The following SATB2 variants were observed in gnomAD, a reference collection of about 807,000 sequenced individuals.
SATB2 encodes the protein SATB homeobox 2.
SATB2 carries 1 observed loss-of-function variant against 73.4 expected under a neutral mutation model. That is an observed-to-expected ratio of 0.01 (90% CI 0.00 to 0.06). The LOEUF (loss-of-function observed/expected upper bound fraction) is 0.06. Ranked by LOEUF, SATB2 falls within the 10% of genes least tolerant of loss-of-function variation. The pLI is 1.00. For synonymous variants in SATB2, 397 were observed against 367.0 expected (o/e 1.08, Z -0.93); for missense variants, 459 against 945.8 (o/e 0.49, Z 6.75).
Position 199,315,812 on chromosome 2 carries a change from A to G in SATB2, c.1543-6855T>C, listed in dbSNP as rs569337510. Among the ~76,000 whole-genome samples, 95 of 152,196 alleles carry G rather than the reference A, an allele frequency of 6.2e-4. 2 individuals are homozygous for G. Among genetic ancestry groups the G allele is most frequent in the African/African-American group, 2.1e-3 (87 of 41,482 alleles). ...TGCTCCTTGAAGGCAGGGCCTTGTC[A>G]CAGTGATTATTCCCCTTGATATGAC... On this transcript the variant is annotated intron_variant, in intron 9 of 10. Transcript: ENST00000417098.
At chr2:199,336,809 A>T (rs979842304) in intron 7 of SATB2, among the ~76,000 whole-genome samples, 4 of 152,316 alleles carry the variant, frequency 2.6e-5, no homozygotes, top group African/African-American at 9.6e-5. Context: ...AGAATAAAGT[A>T]GTTATGAGTA....
rs2105702800 is a variant in SATB2, at chr2:199,270,412, A to G, written c.*1799T>C. The G allele has an allele frequency of 6.6e-6, 1 of 152,178 alleles. No individual in the cohort carries two copies. The highest frequency in any genetic ancestry group is 1.5e-5 in the Non-Finnish European group (1 of 67,938). The allele number at this position is 152,178 out of a possible 1,614,324, so 9.4% of individuals were successfully genotyped here. ...TATACCTTTCAAATATATAAATAGT[A>G]TTAACAGTTATATTACAATGTTTGT... On this transcript the variant is annotated 3_prime_UTR_variant, in exon 11 of 11. Transcript: ENST00000417098.
intron 10 of SATB2, among the ~76,000 whole-genome samples, chr2:199,285,349 T>C (rs528660285): frequency 3.4e-4 from 52 of 151,010 alleles, no homozygotes; most frequent in Non-Finnish European, 7.1e-4. Context: ...TACACATGCA[T>C]TATGATTTGT....
chr2:199,272,379 C>A lies in SATB2; in HGVS notation c.2034G>T (p.Glu678Asp), dbSNP rs147191297. The change falls in exon 11 of 11, where the codon GAG becomes GAT. Residue 678 changes from glutamate to aspartate, a missense_variant. Glu to Asp is a conservative substitution (Grantham distance 45, BLOSUM62 2). Transcript: ENST00000417098. This position sits in a 1 kb window ranked among gnomAD's most constrained non-coding sequence, Gnocchi z 6.7. ...YHVKHHGKLK[E>D]HLGSAVDVAE... ...CCACGTCCACCGCGGAGCCCAGGTGCTCTTTCAGCTTCCCGTGGTGCTTCA... is the reference window on the plus strand; with the variant it reads ...CCACGTCCACCGCGGAGCCCAGGTGATCTTTCAGCTTCCCGTGGTGCTTCA... The A allele has an allele frequency of 6.2e-7, 1 of 1,614,218 alleles. No homozygotes were observed. The highest frequency in any genetic ancestry group is 1.1e-5 in the South Asian group (1 of 91,082).
At chr2:199,380,276 G>C in intron 5 of SATB2, 88 bp downstream of exon 5, 1 of 1,486,188 alleles carries the variant, frequency 6.7e-7, no homozygotes, top group Non-Finnish European at 9.4e-7. Context: ...AGACAGAGAA[G>C]ACAGTTGTTT....
chr2:199,398,945 G>A (rs1195189851), intron 3 of SATB2, among the ~76,000 whole-genome samples: 1 of 152,140 alleles, frequency 6.6e-6, no homozygotes, highest in Non-Finnish European at 1.5e-5. Context: ...GTGCTGAACA[G>A]CCAATCTTTG....
At chr2:199,443,629 C>T (rs951867172) in intron 2 of SATB2, among the ~76,000 whole-genome samples, 1 of 150,608 alleles carries the variant, frequency 6.6e-6, no homozygotes, top group Non-Finnish European at 1.5e-5. Flanking sequence ...TTTACGGATA[C>T]TTAATAGATG....
chr2:199,450,075 TCTTGGGGAGTGG>T (rs1692079130), intron 2 of SATB2, among the ~76,000 whole-genome samples: 1 of 152,224 alleles, frequency 6.6e-6, no homozygotes, highest in African/African-American at 2.4e-5. Context: ...CTGTTCTTAT[TCTTGGGGAGTGG>T]GGGAGACGGG....
intron 3 of SATB2, among the ~76,000 whole-genome samples, chr2:199,414,463 T>C (rs1339177626): frequency 2.0e-5 from 3 of 152,198 alleles, no homozygotes; most frequent in Non-Finnish European, 2.9e-5. Context: ...AGATGATTAA[T>C]AGTCACTTAT....
At chr2:199,410,931 C>T (rs552741937) in intron 3 of SATB2, among the ~76,000 whole-genome samples, 2 of 152,180 alleles carry the variant, frequency 1.3e-5, no homozygotes, top group South Asian at 2.1e-4. Flanking sequence ...ATAAAATTCC[C>T]TTCTGCCTCT....
chr2:199,355,911 A>G (rs1029549306), intron 6 of SATB2, among the ~76,000 whole-genome samples: 1 of 152,154 alleles, frequency 6.6e-6, no homozygotes, highest in East Asian at 1.9e-4. Context: ...AATACTGCAA[A>G]AAAGATAGAT....
At chr2:199,279,094 G>C (rs982555486) in intron 10 of SATB2, among the ~76,000 whole-genome samples, 1 of 152,168 alleles carries the variant, frequency 6.6e-6, no homozygotes, top group Admixed American at 6.5e-5. Context: ...AATCTCTCTG[G>C]GCTGAAATGT....
rs1692133625 is a variant in SATB2 at position 199,270,868 on chromosome 2, A to T, written c.*1343T>A. On this transcript the variant is annotated 3_prime_UTR_variant, in exon 11 of 11. Transcript: ENST00000417098. Reference sequence around the variant, plus strand: ...TGGAGCTGCACAACGATTCAAAAACAGTTCTTGTTAGGGCTGTCATCCCAG... The same window carrying T: ...TGGAGCTGCACAACGATTCAAAAACTGTTCTTGTTAGGGCTGTCATCCCAG... The T allele has an allele frequency of 6.6e-6, 1 of 152,364 alleles. No homozygotes were observed. The highest frequency in any genetic ancestry group is 1.5e-5 in the Non-Finnish European group (1 of 68,050). The allele number at this position is 152,364 out of a possible 1,614,324, so 9.4% of individuals were successfully genotyped here.
At chr2:199,465,824 T>C (rs1488213224), upstream of SATB2, among the ~76,000 whole-genome samples, 1 of 152,248 alleles carries the variant, frequency 6.6e-6, no homozygotes, top group Admixed American at 6.5e-5. Context: ...TTATCAATGT[T>C]AGCCTAACGA....
intron 3 of SATB2, among the ~76,000 whole-genome samples, chr2:199,411,985 G>A (rs982212221): frequency 6.6e-6 from 1 of 152,166 alleles, no homozygotes; most frequent in African/African-American, 2.4e-5. Context: ...CCTAAGGACA[G>A]AGATTCAAGA....
At chr2:199,354,563 G>A (rs1339702419) in intron 6 of SATB2, among the ~76,000 whole-genome samples, 2 of 152,102 alleles carry the variant, frequency 1.3e-5, no homozygotes, top group Non-Finnish European at 2.9e-5. Context: ...TCAAGGCAAG[G>A]GAGGCTCAAA....
At chr2:199,470,814 C>T (rs1692689257) in intron 1 of SATB2, 1 of 152,362 alleles carries the variant, frequency 6.6e-6, no homozygotes, top group Non-Finnish European at 1.5e-5. Flanking sequence ...GGGAATTGCA[C>T]CCTTGCCGGA....
intron 3 of SATB2, among the ~76,000 whole-genome samples, chr2:199,425,556 T>G (rs1381286702): frequency 6.6e-6 from 1 of 152,180 alleles, no homozygotes; most frequent in African/African-American, 2.4e-5. Flanking sequence ...TTTCTTGCCC[T>G]CAACAGCTTT....
At chr2:199,281,882 CT>C (rs10718338) in intron 10 of SATB2, among the ~76,000 whole-genome samples, 91,639 of 123,944 alleles carry the variant, frequency 0.74, 34,718 homozygotes, top group East Asian at 0.85. Context: ...TATTCTCTCT[CT>C]TTTTTTTTTT....
Sources: gnomAD v4.1 joint callset for allele counts (sites outside exome capture counted in the v4.1 genomes callset) on GRCh38, gnomAD v4.1.1 for gene constraint, Gnocchi (gnomAD v3.1) non-coding constraint, MANE v1.5 for transcripts, NCBI Gene and HGNC (gene_info 2026-07-23, HGNC 2026-07-21) for gene names.